ACYP2: variants seen among roughly 807,000 people sequenced by gnomAD.
ACYP2 encodes the protein acylphosphatase-2.
Under a neutral mutation model 11.2 loss-of-function variants are expected in ACYP2, and 12 were observed. That is an observed-to-expected ratio of 1.08 (90% confidence interval 0.69 to 1.74). The LOEUF (loss-of-function observed/expected upper bound fraction) is 1.74. ACYP2 is among the 40% of genes most tolerant of loss of function. ACYP2 has a pLI of 0.00. For missense variants in ACYP2, 134 were observed against 101.9 expected (o/e 1.31, Z -1.35); for synonymous variants, 43 against 32.2 (o/e 1.33, Z -1.13).
chr2:53,994,444 A>G (rs1490952902), intron 2 of ACYP2, among the ~76,000 whole-genome samples: 8 of 148,598 alleles, frequency 5.4e-5, no homozygotes, highest in African/African-American at 1.5e-4. Context: ...ACTTGAACCC[A>G]GGAGGTGGAG....
At chr2:54,223,949 T>C (rs191559961) in intron 6 of ACYP2, among the ~76,000 whole-genome samples, 1 of 152,160 alleles carries the variant, frequency 6.6e-6, no homozygotes, top group East Asian at 1.9e-4. Flanking sequence ...GGTATATTCT[T>C]ACCTAATTAA....
intron 6 of ACYP2, among the ~76,000 whole-genome samples, chr2:54,251,468 G>T (rs62139251): frequency 0.12 from 17,560 of 152,124 alleles, 1,036 homozygotes; most frequent in East Asian, 0.16. Context: ...ACAACTCAGT[G>T]AAGTTTCACA....
intron 6 of ACYP2, among the ~76,000 whole-genome samples, chr2:54,218,963 G>A (rs895110619): frequency 2.6e-5 from 4 of 152,026 alleles, no homozygotes; most frequent in African/African-American, 9.7e-5. Flanking sequence ...ACATTAAATT[G>A]GGATTTTTTT....
chr2:54,279,180 C>A (rs181315882), intron 6 of ACYP2, among the ~76,000 whole-genome samples: 89 of 152,308 alleles, frequency 5.8e-4, no homozygotes, highest in African/African-American at 1.9e-3. Context: ...TGAAAGTCAT[C>A]GTGGAGATCG....
chr2:54,295,398 G>A (rs920614000), intron 6 of ACYP2, among the ~76,000 whole-genome samples: 7 of 152,148 alleles, frequency 4.6e-5, no homozygotes, highest in Non-Finnish European at 8.8e-5. Context: ...TGTAATAAGA[G>A]CAAATATTTC....
intron 6 of ACYP2, among the ~76,000 whole-genome samples, chr2:54,194,774 C>T (rs1348131726): frequency 6.6e-6 from 1 of 152,026 alleles, no homozygotes; most frequent in Non-Finnish European, 1.5e-5. Context: ...GATATGAAAG[C>T]TATTTAGGTT....
intron 4 of ACYP2, among the ~76,000 whole-genome samples, chr2:54,117,314 T>C (rs967308303): frequency 2.6e-5 from 4 of 152,202 alleles, no homozygotes; most frequent in African/African-American, 9.7e-5. Flanking sequence ...TTTTAAGAGA[T>C]GGAGTCTTGC....
At chr2:54,115,699 A>G in intron 4 of ACYP2, 1 of 1,612,226 alleles carries the variant, frequency 6.2e-7, no homozygotes, top group Non-Finnish European at 8.5e-7. Context: ...CGCCGCCGCC[A>G]TGTCTACCGC....
At chr2:53,982,868 G>A (rs1359049687) in intron 2 of ACYP2, among the ~76,000 whole-genome samples, 3 of 136,504 alleles carry the variant, frequency 2.2e-5, no homozygotes, top group African/African-American at 5.3e-5. Context: ...GTGTGTGTGT[G>A]TGTGTGATAT....
chr2:54,122,478 A>G (rs572125597), intron 4 of ACYP2, among the ~76,000 whole-genome samples: 2 of 152,292 alleles, frequency 1.3e-5, no homozygotes, highest in South Asian at 4.1e-4. Flanking sequence ...CATGTGTCAT[A>G]TCAGCTTTCC....
chr2:54,013,047 A>T (rs1002876657), intron 2 of ACYP2, among the ~76,000 whole-genome samples: 5 of 152,038 alleles, frequency 3.3e-5, no homozygotes, highest in Non-Finnish European at 7.4e-5. Context: ...TTTCGCAGAT[A>T]TATCTATCTG....
intron 6 of ACYP2, chr2:54,256,368 G>T (rs1687535869): frequency 3.5e-6 from 2 of 568,842 alleles, no homozygotes; most frequent in Admixed American, 3.3e-5. Flanking sequence ...CATCGTGCTG[G>T]ATGAGTAATG....
intron 6 of ACYP2, among the ~76,000 whole-genome samples, chr2:54,192,091 A>C (rs962860533): frequency 1.3e-5 from 2 of 152,186 alleles, no homozygotes; most frequent in African/African-American, 4.8e-5. Context: ...AGGACTCCCA[A>C]ATTTAAATCC....
At chr2:54,291,452 C>T (rs928639868) in intron 6 of ACYP2, among the ~76,000 whole-genome samples, 3 of 152,226 alleles carry the variant, frequency 2.0e-5, no homozygotes, top group Non-Finnish European at 2.9e-5. Context: ...TGAATAATGG[C>T]TGCAGTAGAC....
At chr2:54,008,026 A>C (rs1673170176) in intron 2 of ACYP2, among the ~76,000 whole-genome samples, 1 of 152,228 alleles carries the variant, frequency 6.6e-6, no homozygotes, top group African/African-American at 2.4e-5. Flanking sequence ...AGAGGTTAGA[A>C]GCAACATGGA....
At chr2:54,252,764 C>T (rs1476498059) in intron 6 of ACYP2, among the ~76,000 whole-genome samples, 4 of 151,996 alleles carry the variant, frequency 2.6e-5, no homozygotes, top group African/African-American at 7.3e-5. Context: ...ATTAGCCGGG[C>T]GTGGTTGCGG....
At chr2:54,013,015 C>CA (rs1332563863) in intron 2 of ACYP2, among the ~76,000 whole-genome samples, 7 of 152,146 alleles carry the variant, frequency 4.6e-5, no homozygotes, top group Admixed American at 3.9e-4. Flanking sequence ...TCAAGACGTG[C>CA]ACTGTCGTTG....
intron 6 of ACYP2, among the ~76,000 whole-genome samples, chr2:54,184,135 C>T (rs958114102): frequency 1.1e-4 from 16 of 152,114 alleles, no homozygotes; most frequent in Non-Finnish European, 2.4e-4. Context: ...CTACTTAGAT[C>T]CTCCCAGTAG....
chr2:54,131,864 G>C (rs1680917022), intron 4 of ACYP2, among the ~76,000 whole-genome samples: 1 of 152,058 alleles, frequency 6.6e-6, no homozygotes, highest in African/African-American at 2.4e-5. Flanking sequence ...ACAGATTACT[G>C]GGCTCCACCT....
Sources: allele counts gnomAD v4.1 joint callset (sites outside exome capture counted in the v4.1 genomes callset), GRCh38; gene constraint gnomAD v4.1.1; transcripts MANE v1.5; gene names NCBI Gene and HGNC (gene_info 2026-07-23, HGNC 2026-07-21).